B3GALNT2: variants seen among roughly 807,000 people sequenced by gnomAD.
B3GALNT2 encodes UDP-GalNAc:beta-1,3-N-acetylgalactosaminyltransferase 2.
A neutral mutation model predicts 61.1 loss-of-function variants in B3GALNT2; 53 were observed. That is an observed-to-expected ratio of 0.87 (90% CI 0.70 to 1.09). B3GALNT2 has a LOEUF of 1.09. Among genes scored for constraint, B3GALNT2 ranks in the 50% least tolerant of loss-of-function variants. The probability of loss-of-function intolerance (pLI) is 0.00; values close to 1 mark genes in which losing one functional copy is unlikely to be tolerated. For synonymous variants in B3GALNT2, 223 were observed against 237.4 expected (o/e 0.94, Z 0.56); for missense variants, 544 against 623.0 (o/e 0.87, Z 1.35).
rs949388614 is a variant in B3GALNT2, at chr1:235,447,777, CACT to C, written c.*2426_*2428del. 5.3e-5 allele frequency among the ~76,000 whole-genome samples: 8 copies of C among 152,118 alleles called. No homozygotes were observed. Among genetic ancestry groups the C allele is most frequent in the Non-Finnish European group, 1.0e-4 (7 of 68,022 alleles). On this transcript the variant is annotated 3_prime_UTR_variant, in exon 12 of 12. Coordinates refer to ENST00000366600, the MANE Select transcript of B3GALNT2 (RefSeq NM_152490.5). ...GTTTATTCAGATTAAGAAAGAAATA[CACT>C]ACTGAAATGGTATGAAACTCACTGT...
chr1:235,474,646 CCTGT>C (rs2102821658), intron 5 of B3GALNT2, among the ~76,000 whole-genome samples: 2 of 151,904 alleles, frequency 1.3e-5, no homozygotes, highest in South Asian at 2.1e-4. Flanking sequence ...ATGGTGAAAC[CCTGT>C]CTGTATTAAA....
At chr1:235,441,348 G>C in the B3GALNT2 span, 1 of 227,746 alleles carries the variant, frequency 4.4e-6, no homozygotes, top group Non-Finnish European at 8.7e-6. Flanking sequence ...ACGGTCTGGT[G>C]GAAACGTGAG....
At chr1:235,504,056 A>G (rs1193769399) in intron 1 of B3GALNT2, 85 bp downstream of exon 1, 1 of 1,192,708 alleles carries the variant, frequency 8.4e-7, no homozygotes, top group Non-Finnish European at 1.0e-6. Flanking sequence ...CCCGCCTCCA[A>G]CAATTCCCGG....
chr1:235,471,133 T>G (rs1304607070), intron 5 of B3GALNT2, among the ~76,000 whole-genome samples, 173 bp from the exon 6 acceptor site: 7 of 152,190 alleles, frequency 4.6e-5, no homozygotes, highest in Admixed American at 4.6e-4. Flanking sequence ...TCCTTGACCG[T>G]TTTTTCCATG....
intron 6 of B3GALNT2, among the ~76,000 whole-genome samples, chr1:235,466,917 A>T (rs1399146028): frequency 6.6e-6 from 1 of 152,120 alleles, no homozygotes; most frequent in Non-Finnish European, 1.5e-5. Flanking sequence ...TTTTTTCTAC[A>T]CCTTCATTTA....
chr1:235,450,406 G>A, intron 11 of B3GALNT2, 66 bp from the exon 12 acceptor site: 1 of 1,535,874 alleles, frequency 6.5e-7, no homozygotes, highest in Non-Finnish European at 9.0e-7. Flanking sequence ...CAGAAAGTAT[G>A]CACGTAGACA....
At chr1:235,470,710 C>G (rs1003302584) in intron 6 of B3GALNT2, 140 bp downstream of exon 6, 5 of 1,273,842 alleles carry the variant, frequency 3.9e-6, no homozygotes, top group Non-Finnish European at 5.1e-6. Flanking sequence ...AAGACAACAA[C>G]ATTTGCTACT....
downstream of B3GALNT2, among the ~76,000 whole-genome samples, chr1:235,445,750 T>C (rs971417103): frequency 7.2e-5 from 11 of 152,204 alleles, no homozygotes; most frequent in Non-Finnish European, 1.5e-4. Context: ...TTTAAAGTCA[T>C]GTGGGAACTA....
chr1:235,494,074 T>C (rs949487356), intron 2 of B3GALNT2, among the ~76,000 whole-genome samples: 7 of 152,168 alleles, frequency 4.6e-5, no homozygotes, highest in African/African-American at 1.7e-4. Context: ...AAAAAGAGCA[T>C]GGCATATTAC....
intron 4 of B3GALNT2, among the ~76,000 whole-genome samples, chr1:235,482,471 C>G (rs1684605835): frequency 6.6e-6 from 1 of 152,032 alleles, no homozygotes; most frequent in Non-Finnish European, 1.5e-5. Flanking sequence ...GTGGCTGACT[C>G]ATGAAATACA....
In B3GALNT2 at chr1:235,461,507, GT is replaced by G. The variant is rs57611133; in HGVS notation, c.842-2722del. Among the ~76,000 whole-genome samples the G allele has an allele frequency of 8.1e-3, 514 of 63,350 alleles. 2 individuals are homozygous for G. Among genetic ancestry groups the G allele is most frequent in the African/African-American group, 0.025 (359 of 14,498 alleles). The allele number at this position is 63,350 out of a possible 152,430, so 41.6% of individuals were successfully genotyped here. A position where few individuals can be genotyped will look rare whatever the true frequency, so the allele number is the denominator to read the frequency against. On this transcript the variant is annotated intron_variant, in intron 7 of 11. Transcript: ENST00000366600. ...GAAACACAGGGGTAGATGACCTCCT[GT>G]TTTTTTTTTTTTTTTTTTTTTTTTT...
chr1:235,461,129 T>C (rs1683399857), intron 7 of B3GALNT2, among the ~76,000 whole-genome samples: 2 of 152,278 alleles, frequency 1.3e-5, no homozygotes, highest in South Asian at 4.1e-4. Flanking sequence ...GGAAATGAAA[T>C]ACAATTTAGC....
intron 1 of B3GALNT2, among the ~76,000 whole-genome samples, chr1:235,498,893 G>A (rs751342620): frequency 7.3e-6 from 1 of 137,520 alleles, no homozygotes; most frequent in South Asian, 2.5e-4. Context: ...CTTTTTCATT[G>A]CGGGAAGGAA....
At chr1:235,444,304 G>A (rs1161043888), downstream of B3GALNT2, among the ~76,000 whole-genome samples, 4 of 152,186 alleles carry the variant, frequency 2.6e-5, no homozygotes, top group African/African-American at 9.7e-5. Flanking sequence ...GTTAGAATTA[G>A]TGATTTCCCC....
At chr1:235,468,746 C>T (rs751544880) in intron 6 of B3GALNT2, among the ~76,000 whole-genome samples, 110 of 152,140 alleles carry the variant, frequency 7.2e-4, no homozygotes, top group African/African-American at 2.5e-3. Flanking sequence ...CCACCGCGCC[C>T]GGCCAATTTA....
intron 6 of B3GALNT2, among the ~76,000 whole-genome samples, chr1:235,468,776 T>C (rs1159877411): frequency 6.6e-6 from 1 of 152,158 alleles, no homozygotes; most frequent in Non-Finnish European, 1.5e-5. Context: ...GTGTAACCAA[T>C]ATTACAGAAT....
intron 6 of B3GALNT2, among the ~76,000 whole-genome samples, chr1:235,468,854 T>C (rs1342115521): frequency 6.6e-6 from 1 of 152,208 alleles, no homozygotes. Context: ...AGGAAAGATA[T>C]AATTCCATAA....
chr1:235,480,842 G>C (rs1293006865), intron 4 of B3GALNT2, among the ~76,000 whole-genome samples: 5 of 142,316 alleles, frequency 3.5e-5, no homozygotes, highest in Non-Finnish European at 7.5e-5. Context: ...GGAGGTGGAG[G>C]CTGCAGTGAG....
chr1:235,441,578 A>G, the B3GALNT2 span: 10 of 550,106 alleles, frequency 1.8e-5, no homozygotes, highest in East Asian at 2.8e-4. Context: ...CTGGTCATTA[A>G]CAATGAGCTA....
Sources: allele counts gnomAD v4.1 joint callset (sites outside exome capture counted in the v4.1 genomes callset), GRCh38; gene constraint gnomAD v4.1.1; transcripts MANE v1.5; gene names NCBI Gene and HGNC (gene_info 2026-07-23, HGNC 2026-07-21).